CATSPERE: variants seen among roughly 807,000 people sequenced by gnomAD.
CATSPERE encodes catsper channel auxiliary subunit epsilon.
Under a neutral mutation model 114.1 loss-of-function variants are expected in CATSPERE, and 93 were observed. The ratio of observed to expected loss-of-function variants is 0.81; its 90% CI spans 0.69 to 0.97. The LOEUF (loss-of-function observed/expected upper bound fraction) is 0.97, where lower values mean the gene tolerates loss of function less well. Ranked by LOEUF, CATSPERE falls within the 50% of genes least tolerant of loss-of-function variation. CATSPERE has a pLI of 0.00. For synonymous variants in CATSPERE, 341 were observed against 384.1 expected (o/e 0.89, Z 1.31); for missense variants, 1,058 against 1,131.6 (o/e 0.93, Z 0.93).
chr1:244,582,407 CT>C (rs67153115), intron 12 of CATSPERE, among the ~76,000 whole-genome samples: 12 of 143,120 alleles, frequency 8.4e-5, no homozygotes, highest in Non-Finnish European at 6.1e-5. Context: ...TTTTCTTTTT[CT>C]TTTTTTTTTT....
intron 7 of CATSPERE, among the ~76,000 whole-genome samples, chr1:244,517,461 CTGTATT>C (rs1676820693): frequency 6.6e-6 from 1 of 151,616 alleles, no homozygotes; most frequent in South Asian, 2.1e-4. Flanking sequence ...TTAGGCAAAC[CTGTATT>C]TCTCTATAAA....
At chr1:244,592,481 T>A (rs1667861207) in intron 15 of CATSPERE, among the ~76,000 whole-genome samples, 1 of 152,188 alleles carries the variant, frequency 6.6e-6, no homozygotes, top group Admixed American at 6.5e-5. Flanking sequence ...CTGAAATATT[T>A]ACAAGCATCT....
intron 7 of CATSPERE, chr1:244,515,402 T>C: frequency 1.3e-6 from 1 of 798,024 alleles, no homozygotes; most frequent in South Asian, 5.7e-5. Context: ...AAGGCAGCAG[T>C]GTAGTTTTGA....
intron 10 of CATSPERE, among the ~76,000 whole-genome samples, chr1:244,566,617 G>T (rs59964866): frequency 9.3e-6 from 1 of 107,118 alleles, no homozygotes; most frequent in African/African-American, 3.1e-5. Context: ...CTGGTTTAAA[G>T]TCTGTTTTAT....
chr1:244,567,979 A>C (rs998700006), intron 10 of CATSPERE, among the ~76,000 whole-genome samples: 2 of 152,088 alleles, frequency 1.3e-5, no homozygotes, highest in African/African-American at 2.4e-5. Context: ...TTGTGGATTT[A>C]TCTACCTTTG....
At chr1:244,551,273 T>C (rs1056099863) in intron 8 of CATSPERE, among the ~76,000 whole-genome samples, 11 of 152,176 alleles carry the variant, frequency 7.2e-5, no homozygotes, top group Non-Finnish European at 1.0e-4. Flanking sequence ...ATCCTGTAAA[T>C]GGCGGCTAAG....
At chr1:244,452,489 GAC>G (rs1665695783), upstream of CATSPERE, among the ~76,000 whole-genome samples, 1 of 152,162 alleles carries the variant, frequency 6.6e-6, no homozygotes, top group South Asian at 2.1e-4. Context: ...GATCAAAAAA[GAC>G]AAAATTCAAA....
chr1:244,553,626 C>CACACACATATATACAT (rs1553356205), intron 9 of CATSPERE, among the ~76,000 whole-genome samples: 2 of 146,678 alleles, frequency 1.4e-5, no homozygotes, highest in Non-Finnish European at 3.0e-5. Context: ...CACACACACA[C>CACACACATATATACAT]ACACACACAC....
chr1:244,507,943 G>A (rs576773352), intron 7 of CATSPERE, among the ~76,000 whole-genome samples: 33 of 151,950 alleles, frequency 2.2e-4, no homozygotes, highest in Non-Finnish European at 4.7e-4. Flanking sequence ...TATTGTTTTG[G>A]CTACTTGGGA....
rs1332487458 is a variant in CATSPERE at position 244,635,795 on chromosome 1, T to A, written c.2702+253T>A. Among the ~76,000 whole-genome samples the A allele has an allele frequency of 2.6e-5, 4 of 152,228 alleles. No homozygotes were observed. The East Asian group carries it at 7.7e-4, about 29-fold the overall frequency. ...TCAATGGTTTTAATAAGTCTATATT[T>A]AGATTTTTGGGGGGCTATGAAATCT... On this transcript the variant is annotated intron_variant, in intron 21 of 21. Coordinates refer to ENST00000366534, the MANE Select transcript of CATSPERE (RefSeq NM_001130957.2).
chr1:244,514,307 C>T (rs1260191507), intron 7 of CATSPERE, among the ~76,000 whole-genome samples: 1 of 152,162 alleles, frequency 6.6e-6, no homozygotes, highest in Admixed American at 6.5e-5. Context: ...GTATTGAATA[C>T]TGTATGATTC....
intron 18 of CATSPERE, among the ~76,000 whole-genome samples, chr1:244,608,981 T>C (rs1670360725): frequency 1.3e-5 from 2 of 151,918 alleles, no homozygotes. Flanking sequence ...TGAGGTCAAC[T>C]CCAAGACCAG....
chr1:244,503,517 T>C (rs1252766738), intron 7 of CATSPERE, among the ~76,000 whole-genome samples: 1 of 152,226 alleles, frequency 6.6e-6, no homozygotes, highest in Non-Finnish European at 1.5e-5. Context: ...TATTCCCTCT[T>C]TTTATCTCTC....
chr1:244,609,570 C>T (rs1670444991), intron 18 of CATSPERE, among the ~76,000 whole-genome samples: 4 of 151,898 alleles, frequency 2.6e-5, no homozygotes, highest in African/African-American at 4.8e-5. Flanking sequence ...AGGCTGGTCT[C>T]GAACTCCTGA....
chr1:244,509,071 C>G (rs1293761879), intron 7 of CATSPERE, among the ~76,000 whole-genome samples: 1 of 147,536 alleles, frequency 6.8e-6, no homozygotes, highest in Non-Finnish European at 1.5e-5. Flanking sequence ...TTTCTTTTGT[C>G]TATTGCTCGG....
Position 244,526,828 on chromosome 1 carries a change from A to G in CATSPERE, c.536+8130A>G, listed in dbSNP as rs137933877. Among the ~76,000 whole-genome samples, 1,104 of 152,212 alleles carry G rather than the reference A, an allele frequency of 7.3e-3. 15 individuals carry two copies. The highest frequency in any genetic ancestry group is 0.025 in the African/African-American group (1,029 of 41,544). ...CAGCCAGCCTGAGAAATAAAGGGAAAGAGTACAAAAGAGAGAAATTTTAAA... is the reference window on the plus strand; with the variant it reads ...CAGCCAGCCTGAGAAATAAAGGGAAGGAGTACAAAAGAGAGAAATTTTAAA... On this transcript the variant is annotated intron_variant, in intron 8 of 21. Coordinates refer to ENST00000366534, the MANE Select transcript of CATSPERE (RefSeq NM_001130957.2).
chr1:244,526,591 C>T (rs866446928), intron 8 of CATSPERE, among the ~76,000 whole-genome samples: 1 of 151,680 alleles, frequency 6.6e-6, no homozygotes, highest in Non-Finnish European at 1.5e-5. Context: ...TGGTGCTCAC[C>T]AGTTTCTACC....
chr1:244,632,261 G>A (rs940947682), intron 20 of CATSPERE, among the ~76,000 whole-genome samples: 3 of 151,896 alleles, frequency 2.0e-5, no homozygotes, highest in African/African-American at 4.8e-5. Flanking sequence ...GGGCATGGTG[G>A]TGTGCGCCTT....
At chr1:244,537,406 T>C (rs904212606) in intron 8 of CATSPERE, among the ~76,000 whole-genome samples, 3 of 152,176 alleles carry the variant, frequency 2.0e-5, no homozygotes, top group African/African-American at 7.2e-5. Flanking sequence ...TTTTTACCCA[T>C]TGTTGGATTT....
Sources: gnomAD v4.1 joint callset for allele counts (sites outside exome capture counted in the v4.1 genomes callset) on GRCh38, gnomAD v4.1.1 for gene constraint, MANE v1.5 for transcripts, NCBI Gene and HGNC (gene_info 2026-07-23, HGNC 2026-07-21) for gene names.